The following ERAP1 variants were observed in gnomAD, a reference collection of about 807,000 sequenced individuals.
ERAP1 encodes adipocyte-derived leucine aminopeptidase.
A neutral mutation model predicts 103.7 loss-of-function variants in ERAP1; 86 were observed. The ratio of observed to expected loss-of-function variants is 0.83; its 90% CI spans 0.70 to 0.99. ERAP1 has a LOEUF of 0.99. ERAP1 is among the 50% of genes least tolerant of loss of function. The pLI, the probability that ERAP1 is intolerant of heterozygous loss-of-function variation, is 0.00. For synonymous variants in ERAP1, 398 were observed against 402.4 expected (o/e 0.99, Z 0.13); for missense variants, 1,009 against 1,128.4 (o/e 0.89, Z 1.52).
At chr5:96,905,671 G>A in the ERAP1 span, among the ~76,000 whole-genome samples, 6 of 152,116 alleles carry the variant, frequency 3.9e-5, no homozygotes, top group Admixed American at 6.6e-5. Flanking sequence ...ATCACTTGAA[G>A]CCAGGAGTTT....
chr5:96,773,745 T>C (rs1773278670), downstream of ERAP1: 1 of 152,346 alleles, frequency 6.6e-6, no homozygotes, highest in African/African-American at 2.4e-5. Flanking sequence ...GATTAGAATT[T>C]TGATATTTAA....
the ERAP1 span, chr5:96,934,296 T>C: frequency 1.3e-5 from 2 of 152,198 alleles, no homozygotes; most frequent in Non-Finnish European, 2.9e-5. Flanking sequence ...TTTGTGGCTA[T>C]TTTAGATGTA....
the ERAP1 span, among the ~76,000 whole-genome samples, chr5:96,824,383 C>T: frequency 6.6e-6 from 1 of 152,174 alleles, no homozygotes; most frequent in African/African-American, 2.4e-5. Context: ...CTTCTGCTGG[C>T]CCAGGAATCT....
At chr5:96,837,095 A>G in the ERAP1 span, among the ~76,000 whole-genome samples, 2 of 152,206 alleles carry the variant, frequency 1.3e-5, no homozygotes. Context: ...CTAACTATTT[A>G]AAAAAGAACA....
the ERAP1 span, among the ~76,000 whole-genome samples, chr5:96,888,870 A>G: frequency 6.6e-6 from 1 of 152,212 alleles, no homozygotes; most frequent in Non-Finnish European, 1.5e-5. Flanking sequence ...AGTATATCAT[A>G]GAGACGAACT....
chr5:96,764,900 G>A (rs1333529843), intron 19 of ERAP1, among the ~76,000 whole-genome samples: 1 of 152,082 alleles, frequency 6.6e-6, no homozygotes, highest in East Asian at 1.9e-4. Flanking sequence ...GTGACCTCCA[G>A]GTCACCCACT....
Position 96,804,054 on chromosome 5 carries a change from CA to C in ERAP1, c.-17-112del, listed in dbSNP as rs1778287709. 2.1e-5 allele frequency: 25 copies of C among 1,191,138 alleles called. No homozygotes were observed. In the South Asian group the frequency reaches 3.3e-4, roughly 16 times the overall value. The allele number at this position is 1,191,138 out of a possible 1,614,324, so 73.8% of individuals were successfully genotyped here. A position where few individuals can be genotyped will look rare whatever the true frequency, so the allele number is the denominator to read the frequency against. ...ATTCACAGAAATAGGCATAAACTTC[CA>C]AAAGTACTAGGTCTTTTCCTGAAAG... On this transcript the variant is annotated intron_variant, in intron 1 of 18. Coordinates refer to ENST00000443439, the MANE Select transcript of ERAP1 (RefSeq NM_001040458.3).
the ERAP1 span, among the ~76,000 whole-genome samples, chr5:96,839,376 T>C: frequency 1.3e-5 from 2 of 152,274 alleles, no homozygotes; most frequent in Admixed American, 1.3e-4. Context: ...ACATGGTTGG[T>C]CTTTCTGGGA....
chr5:96,850,172 C>T, the ERAP1 span, among the ~76,000 whole-genome samples: 11 of 151,996 alleles, frequency 7.2e-5, no homozygotes, highest in African/African-American at 2.7e-4. Flanking sequence ...GAAAAGCTAC[C>T]CATTGGTCTG....
the ERAP1 span, among the ~76,000 whole-genome samples, chr5:96,885,930 A>C: frequency 6.6e-6 from 1 of 152,196 alleles, no homozygotes; most frequent in African/African-American, 2.4e-5. Context: ...CAGGAGATGG[A>C]CAGAAGCTTA....
chr5:96,909,527 T>G, the ERAP1 span: 2 of 1,433,216 alleles, frequency 1.4e-6, no homozygotes, highest in East Asian at 2.3e-5. Flanking sequence ...GGGCAAGAAC[T>G]GTGTTAAGGA....
At chr5:96,786,131 G>A (rs1415966155) in intron 12 of ERAP1, 160 bp from the exon 13 acceptor site, 4 of 699,102 alleles carry the variant, frequency 5.7e-6, no homozygotes, top group African/African-American at 1.8e-5. Flanking sequence ...CAACTCAATA[G>A]ACAAAAGCTA....
the ERAP1 span, among the ~76,000 whole-genome samples, chr5:96,887,098 TATACACAC>T: frequency 6.3e-3 from 622 of 99,414 alleles, 11 homozygotes; most frequent in African/African-American, 0.017. Context: ...TATATATATA[TATACACAC>T]ACACACACAC....
chr5:96,857,593 T>C, the ERAP1 span, among the ~76,000 whole-genome samples: 40 of 152,220 alleles, frequency 2.6e-4, no homozygotes, highest in African/African-American at 8.2e-4. Context: ...AAACTGAGCA[T>C]GGAGAAATTA....
the ERAP1 span, among the ~76,000 whole-genome samples, chr5:96,845,967 T>G: frequency 1.3e-5 from 2 of 152,230 alleles, no homozygotes; most frequent in African/African-American, 4.8e-5. Context: ...CAATAGGGCA[T>G]AATTTAATCC....
At chr5:96,766,132 A>G in intron 19 of ERAP1, 1 of 1,600,890 alleles carries the variant, frequency 6.2e-7, no homozygotes, top group Non-Finnish European at 8.6e-7. Context: ...CATCTCCTGG[A>G]TGATAATGGA....
the ERAP1 span, among the ~76,000 whole-genome samples, chr5:96,855,181 G>A: frequency 6.6e-6 from 1 of 152,154 alleles, no homozygotes; most frequent in South Asian, 2.1e-4. Flanking sequence ...CTCTTTACCA[G>A]TCATGGTAGA....
chr5:96,856,365 T>TATATATATATAGAGAGAGAGAGAGAGAG, the ERAP1 span, among the ~76,000 whole-genome samples: 2 of 20,380 alleles, frequency 9.8e-5, no homozygotes, highest in Non-Finnish European at 2.2e-4. Context: ...TATATATATA[T>TATATATATATAGAGAGAGAGAGAGAGAG]AGAGAGAGAG....
chr5:96,846,198 G>T, the ERAP1 span, among the ~76,000 whole-genome samples: 1 of 152,118 alleles, frequency 6.6e-6, no homozygotes, highest in Non-Finnish European at 1.5e-5. Flanking sequence ...ATCAACTGGG[G>T]AACTTGGTAT....
Sources: allele counts gnomAD v4.1 joint callset (sites outside exome capture counted in the v4.1 genomes callset), GRCh38; gene constraint gnomAD v4.1.1; transcripts MANE v1.5; gene names NCBI Gene and HGNC (gene_info 2026-07-23, HGNC 2026-07-21).